Variants in EFCAB7 observed in about 807,000 individuals in gnomAD.
EFCAB7 encodes the protein EF-hand calcium-binding domain-containing protein 7.
In EFCAB7, 66 loss-of-function variants were observed where a neutral mutation model predicts 77.1. The ratio of observed to expected loss-of-function variants is 0.86; its 90% CI spans 0.70 to 1.05. EFCAB7 has a LOEUF of 1.05. EFCAB7 is among the 50% of genes least tolerant of loss of function. The pLI, the probability that EFCAB7 is intolerant of heterozygous loss-of-function variation, is 0.00. For synonymous variants in EFCAB7, 225 were observed against 243.3 expected, an observed-to-expected ratio of 0.92 and a Z score of 0.70; for missense variants, 638 against 730.5, an observed-to-expected ratio of 0.87 and a Z score of 1.46.
At chr1:63,561,496 G>T (rs975563628) in intron 10 of EFCAB7, among the ~76,000 whole-genome samples, 5 of 152,096 alleles carry the variant, frequency 3.3e-5, no homozygotes, top group Non-Finnish European at 5.9e-5. Context: ...AAATGAAATT[G>T]TGTACTACGA....
At chr1:63,569,105 T>C (rs1647203369) in intron 12 of EFCAB7, 1 of 152,184 alleles carries the variant, frequency 6.6e-6, no homozygotes, top group Non-Finnish European at 1.5e-5. Context: ...CTCTAGAAAT[T>C]ATAAATTTTC....
the EFCAB7 span, among the ~76,000 whole-genome samples, chr1:63,580,862 G>T: frequency 6.6e-6 from 1 of 151,980 alleles, no homozygotes; most frequent in Middle Eastern, 3.2e-3. Flanking sequence ...GCTGTGCATT[G>T]CTAATATGTA....
chr1:63,536,259 A>G (rs1226238503), intron 6 of EFCAB7, among the ~76,000 whole-genome samples: 2 of 152,258 alleles, frequency 1.3e-5, no homozygotes, highest in Admixed American at 6.5e-5. Flanking sequence ...GGATCTTGAT[A>G]TTGCCCACTG....
chr1:63,577,491 A>G (rs1647457816), downstream of EFCAB7, among the ~76,000 whole-genome samples: 1 of 152,222 alleles, frequency 6.6e-6, no homozygotes, highest in Non-Finnish European at 1.5e-5. Flanking sequence ...TAGTATGCGG[A>G]ATTACTAAAA....
At position 63,555,389 on chromosome 1, in the gene EFCAB7, G is replaced by GTT. The variant is rs1247840414; in HGVS notation, c.1088_1089insTT (p.Ile364Ter). On this transcript the variant is annotated frameshift_variant, in exon 9 of 14. Coordinates refer to ENST00000371088, the MANE Select transcript of EFCAB7 (RefSeq NM_032437.4). LOFTEE classifies it high-confidence loss of function. ...GGATGGACTGGTGAACTAGGACCTG[G>GTT]AATTTACTGGTTAATTCCTTCCACA... 14 of 1,612,940 alleles carry GTT rather than the reference G, an allele frequency of 8.7e-6. No individual in the cohort carries two copies. The highest frequency in any genetic ancestry group is 1.2e-5 in the Non-Finnish European group (14 of 1,179,414).
At chr1:63,537,218 C>T (rs1646773527) in intron 6 of EFCAB7, among the ~76,000 whole-genome samples, 1 of 152,156 alleles carries the variant, frequency 6.6e-6, no homozygotes. Flanking sequence ...CAGGAATTTT[C>T]CTTTCAGAGA....
intron 7 of EFCAB7, chr1:63,549,038 A>C (rs1345232428): frequency 4.1e-6 from 1 of 244,858 alleles, no homozygotes; most frequent in Non-Finnish European, 8.0e-6. Context: ...GTATAGCGCC[A>C]CTATGACTCC....
At chr1:63,555,597 C>T in intron 9 of EFCAB7, 82 bp downstream of exon 9, 1 of 1,174,538 alleles carries the variant, frequency 8.5e-7, no homozygotes, top group Non-Finnish European at 1.2e-6. Flanking sequence ...CTTTGGCCAG[C>T]TCCCACCCCC....
At chr1:63,548,605 C>T (rs1646927393) in intron 7 of EFCAB7, 1 of 152,072 alleles carries the variant, frequency 6.6e-6, no homozygotes, top group Non-Finnish European at 1.5e-5. Context: ...TCTTCTTCCA[C>T]TTGTATGGTA....
At chr1:63,558,446 A>G (rs956337188) in intron 10 of EFCAB7, among the ~76,000 whole-genome samples, 3 of 152,240 alleles carry the variant, frequency 2.0e-5, no homozygotes, top group Non-Finnish European at 4.4e-5. Context: ...TTTATAAATC[A>G]GGAAATAGAA....
At position 63,572,482 on chromosome 1, in the gene EFCAB7, G is replaced by A. The variant is rs548423707; in HGVS notation, c.1856G>A (p.Trp619Ter). 1.3e-6 allele frequency: 2 copies of A among 1,555,774 alleles called. No individual in the cohort carries two copies. Among genetic ancestry groups the A allele is most frequent in the East Asian group, 2.3e-5 (1 of 43,198 alleles). ...ATGCCTTTGAATGAACGACAAGAATGGATATATTATTGTATATATTCTCTT... is the reference window on the plus strand; with the variant it reads ...ATGCCTTTGAATGAACGACAAGAATAGATATATTATTGTATATATTCTCTT... Reference protein sequence around the residue: ...HVMPLNERQEWIYYCIYSLIS With the variant: ...HVMPLNERQE The change falls in exon 14 of 14, where the codon TGG becomes TAG. Residue 619 changes from tryptophan (W) to a stop codon, truncating the protein, a stop_gained. Transcript: ENST00000371088. LOFTEE classifies it high-confidence loss of function.
At chr1:63,565,283 C>T (rs1391606921) in intron 11 of EFCAB7, among the ~76,000 whole-genome samples, 3 of 151,590 alleles carry the variant, frequency 2.0e-5, no homozygotes, top group South Asian at 2.1e-4. Flanking sequence ...GGTGTGAACC[C>T]GGGAGACAGA....
At chr1:63,555,277 A>C (rs1647017107) in intron 8 of EFCAB7, 81 bp from the exon 9 acceptor site, 2 of 1,435,586 alleles carry the variant, frequency 1.4e-6, no homozygotes, top group Non-Finnish European at 1.9e-6. Flanking sequence ...TGTCCCTTTC[A>C]GAAGAAATAT....
chr1:63,533,684 G>T, intron 5 of EFCAB7, 35 bp downstream of exon 5: 1 of 1,440,694 alleles, frequency 6.9e-7, no homozygotes, highest in Non-Finnish European at 9.4e-7. Context: ...TTCTTGATCA[G>T]AAATGAAGAG....
chr1:63,565,505 C>A (rs955267190), intron 11 of EFCAB7, among the ~76,000 whole-genome samples: 1 of 152,036 alleles, frequency 6.6e-6, no homozygotes, highest in South Asian at 2.1e-4. Flanking sequence ...ATGCCACAAG[C>A]AATTGCAACA....
chr1:63,577,398 T>C (rs1385349926), downstream of EFCAB7, among the ~76,000 whole-genome samples: 1 of 152,230 alleles, frequency 6.6e-6, no homozygotes, highest in Non-Finnish European at 1.5e-5. Context: ...TTCAGTTATC[T>C]GATTCAGGCT....
intron 7 of EFCAB7, chr1:63,548,958 T>TTCGCGC (rs1439543986): frequency 1.3e-5 from 2 of 156,010 alleles, no homozygotes; most frequent in Non-Finnish European, 2.8e-5. Context: ...CTCAGCACTT[T>TTCGCGC]TCGGCGCCAT....
At chr1:63,563,712 T>C (rs1175116253) in intron 11 of EFCAB7, among the ~76,000 whole-genome samples, 2 of 152,226 alleles carry the variant, frequency 1.3e-5, no homozygotes, top group Non-Finnish European at 2.9e-5. Context: ...TTAAAATCTT[T>C]TTTCTTACTA....
intron 10 of EFCAB7, among the ~76,000 whole-genome samples, chr1:63,560,657 A>AG (rs1647087663): frequency 6.6e-6 from 1 of 151,914 alleles, no homozygotes. Context: ...CTGGGACTAC[A>AG]GGTGCATGCC....
Sources: gnomAD v4.1 joint callset for allele counts (sites outside exome capture counted in the v4.1 genomes callset) on GRCh38, gnomAD v4.1.1 for gene constraint, MANE v1.5 for transcripts, NCBI Gene and HGNC (gene_info 2026-07-23, HGNC 2026-07-21) for gene names.